FXN: variants seen among roughly 807,000 people sequenced by gnomAD.
The protein encoded by FXN is frataxin, also known as frataxin, mitochondrial.
A neutral mutation model predicts 22.4 loss-of-function variants in FXN; 14 were observed. The ratio of observed to expected loss-of-function variants is 0.62; its 90% CI spans 0.41 to 0.98. The LOEUF (loss-of-function observed/expected upper bound fraction) is 0.98, where lower values mean the gene tolerates loss of function less well. Ranked by LOEUF, FXN falls within the 50% of genes least tolerant of loss-of-function variation. The pLI is 0.00. For missense variants in FXN, 267 were observed against 268.4 expected (o/e 0.99, Z 0.04); for synonymous variants, 120 against 114.1 (o/e 1.05, Z -0.33).
chr9:69,040,615 C>T (rs1454675896), intron 1 of FXN, among the ~76,000 whole-genome samples: 2 of 152,076 alleles, frequency 1.3e-5, no homozygotes, highest in Non-Finnish European at 2.9e-5. Context: ...TTGCAGTGAT[C>T]CGAGATCGTG....
chr9:69,073,008 C>T lies in FXN; in HGVS notation c.*246C>T, dbSNP rs10890. 0.47 allele frequency: 669,660 copies of T among 1,412,404 alleles called. 160,872 individuals are homozygous for T. The highest frequency in any genetic ancestry group is 0.63 in the East Asian group (23,846 of 38,072). 87.5% of individuals were successfully genotyped at this position (1,412,404 alleles called of 1,614,324 possible). The stretch of plus-strand genomic sequence containing the variant: ...GTCGGATTTCCTCCCTCACATGATA[C>T]CCCTTATCTTTTATAATGTCTTATG... On this transcript the variant is annotated 3_prime_UTR_variant, in exon 5 of 5. Transcript: ENST00000484259.
chr9:69,057,545 A>C (rs1358081266), intron 3 of FXN, among the ~76,000 whole-genome samples: 2 of 151,862 alleles, frequency 1.3e-5, no homozygotes, highest in East Asian at 3.9e-4. Flanking sequence ...GTGTAGATTT[A>C]GAAAGCTAAA....
chr9:69,059,920 T>A (rs1419543375), intron 3 of FXN, among the ~76,000 whole-genome samples: 1 of 152,228 alleles, frequency 6.6e-6, no homozygotes, highest in Non-Finnish European at 1.5e-5. Flanking sequence ...CAAGTTGGTA[T>A]CTACTTTAGA....
At chr9:69,061,101 T>C (rs1832063810) in intron 3 of FXN, among the ~76,000 whole-genome samples, 1 of 152,196 alleles carries the variant, frequency 6.6e-6, no homozygotes. Flanking sequence ...CTAGAAGGGC[T>C]CTCACATTTG....
chr9:69,053,499 GGATGGATGGATAGATA>G (rs951690171), intron 3 of FXN, among the ~76,000 whole-genome samples: 9 of 150,966 alleles, frequency 6.0e-5, no homozygotes, highest in South Asian at 2.1e-4. Context: ...ATGGATGGAT[GGATGGATGGATAGATA>G]GATAGATAGA....
chr9:69,068,742 T>G (rs553376668), intron 4 of FXN, among the ~76,000 whole-genome samples: 1 of 152,302 alleles, frequency 6.6e-6, no homozygotes, highest in South Asian at 2.1e-4. Context: ...AGGGCCAAGA[T>G]GCGGCCAGCA....
chr9:69,076,581 TG>T lies in FXN; in HGVS notation c.*3820del. The T allele has an allele frequency of 2.0e-6, 2 of 985,464 alleles. No homozygotes were observed. The highest frequency in any genetic ancestry group is 2.4e-6 in the Non-Finnish European group (2 of 829,928). The allele number at this position is 985,464 out of a possible 1,614,324, so 61.0% of individuals were successfully genotyped here. A position where few individuals can be genotyped will look rare whatever the true frequency, so the allele number is the denominator to read the frequency against. On this transcript the variant is annotated 3_prime_UTR_variant, in exon 5 of 5. Transcript: ENST00000484259. ...TGCATTAAATTATAGGTTTACAATA[TG>T]CTTTATCCAGCTATACCTGCCCCAA...
intron 3 of FXN, among the ~76,000 whole-genome samples, chr9:69,060,999 C>T (rs1832062246): frequency 6.6e-6 from 1 of 152,006 alleles, no homozygotes; most frequent in African/African-American, 2.4e-5. Flanking sequence ...AGAGGGGTAG[C>T]AGGGTAGAGG....
At chr9:69,036,465 T>G (rs1210166663) in intron 1 of FXN, among the ~76,000 whole-genome samples, 1 of 152,340 alleles carries the variant, frequency 6.6e-6, no homozygotes, top group South Asian at 2.1e-4. Context: ...AATGCTTTCC[T>G]GGAACGAGGT....
chr9:69,053,149 T>C lies in FXN; in HGVS notation c.273T>C (p.Asp91=), dbSNP rs761242340. Residue 91 remains aspartate (D), a synonymous_variant, in exon 3 of 5, where the codon GAT becomes GAC. Transcript: ENST00000484259. ...SGTLGHPGSL[D]ETTYERLAEE... Reference sequence around the variant, plus strand: ...TGTGCTTCCTCTGCAGCTCTCTAGATGAGACCACCTATGAAAGACTAGCAG... The same window carrying C: ...TGTGCTTCCTCTGCAGCTCTCTAGACGAGACCACCTATGAAAGACTAGCAG... The C allele has an allele frequency of 3.1e-6, 5 of 1,613,892 alleles. No homozygotes were observed. In the African/African-American group the frequency reaches 6.7e-5, roughly 22 times the overall value.
chr9:69,074,464 G>C lies in FXN; in HGVS notation c.*1702G>C. 1 of 979,376 alleles carries C rather than the reference G, an allele frequency of 1.0e-6. No individual in the cohort carries two copies. The highest frequency in any genetic ancestry group is 1.8e-5 in the African/African-American group (1 of 57,006). 60.7% of individuals were successfully genotyped at this position (979,376 alleles called of 1,614,324 possible). ...CGGGAGAATTGCTTGACCCCAGGCG[G>C]AGGAGGTTACAGTGAGTCGAGATCG... On this transcript the variant is annotated 3_prime_UTR_variant, in exon 5 of 5. Coordinates refer to ENST00000484259, the MANE Select transcript of FXN (RefSeq NM_000144.5).
At chr9:69,052,602 G>A in intron 2 of FXN, among the ~76,000 whole-genome samples, 1 of 146,210 alleles carries the variant, frequency 6.8e-6, no homozygotes, top group East Asian at 2.0e-4. Context: ...GAGTGCAGTG[G>A]CGCAATCTCG....
chr9:69,057,316 A>G (rs1227797734), intron 3 of FXN, among the ~76,000 whole-genome samples: 1 of 152,154 alleles, frequency 6.6e-6, no homozygotes, highest in African/African-American at 2.4e-5. Context: ...AGGCGACAAA[A>G]CCTTCTGCTC....
At position 69,076,051 on chromosome 9, in the gene FXN, C is replaced by G. The variant is rs1178068463; in HGVS notation, c.*3289C>G. ...TTACCTTCTTGAGTGGGTAGAACCT[C>G]AGCCACATAGAAAATAAAATGTTCT... is the stretch of plus-strand genomic sequence containing the variant. On this transcript the variant is annotated 3_prime_UTR_variant, in exon 5 of 5. Coordinates refer to ENST00000484259, the MANE Select transcript of FXN (RefSeq NM_000144.5). 1.0e-6 allele frequency: 1 copy of G among 984,266 alleles called. No homozygotes were observed. The highest frequency in any genetic ancestry group is 1.7e-5 in the African/African-American group (1 of 57,166). The allele number at this position is 984,266 out of a possible 1,614,324, so 61.0% of individuals were successfully genotyped here. A position where few individuals can be genotyped will look rare whatever the true frequency, so the allele number is the denominator to read the frequency against.
At chr9:69,069,432 A>C (rs1441926706) in intron 4 of FXN, among the ~76,000 whole-genome samples, 3 of 152,226 alleles carry the variant, frequency 2.0e-5, no homozygotes, top group Non-Finnish European at 4.4e-5. Context: ...GAGTGAAGCA[A>C]CTGGCCTCCT....
intron 3 of FXN, 85 bp downstream of exon 3, chr9:69,053,345 TAAGCATC>T: frequency 6.7e-7 from 1 of 1,486,324 alleles, no homozygotes; most frequent in Non-Finnish European, 9.3e-7. Context: ...CCAGCAGAGC[TAAGCATC>T]AAGTAGCATG....
chr9:69,062,935 G>A (rs1338128026), intron 3 of FXN, among the ~76,000 whole-genome samples: 1 of 151,860 alleles, frequency 6.6e-6, no homozygotes, highest in Non-Finnish European at 1.5e-5. Context: ...GCTCACACCT[G>A]TAACATAATC....
In FXN at chr9:69,076,373, C is replaced by T. The variant is rs1169296934; in HGVS notation, c.*3611C>T. ...TTCATATTCACATTGGAGGACTTCT[C>T]CCAAAATATGGATGACGTTCCCTAC... On this transcript the variant is annotated 3_prime_UTR_variant, in exon 5 of 5. Transcript: ENST00000484259. The T allele has an allele frequency of 1.3e-5, 13 of 985,214 alleles. No individual in the cohort carries two copies. The highest frequency in any genetic ancestry group is 1.2e-5 in the Non-Finnish European group (10 of 829,918). 61.0% of individuals were successfully genotyped at this position (985,214 alleles called of 1,614,324 possible).
At chr9:69,071,782 GTTTA>G (rs1482152429) in intron 4 of FXN, among the ~76,000 whole-genome samples, 2 of 152,192 alleles carry the variant, frequency 1.3e-5, no homozygotes, top group East Asian at 1.9e-4. Context: ...GGGAATAACT[GTTTA>G]ATGGGTATAG....
Sources: gnomAD v4.1 joint callset for allele counts (sites outside exome capture counted in the v4.1 genomes callset) on GRCh38, gnomAD v4.1.1 for gene constraint, MANE v1.5 for transcripts, NCBI Gene and HGNC (gene_info 2026-07-23, HGNC 2026-07-21) for gene names.